The following SGCZ variants were observed in gnomAD, a reference collection of about 807,000 sequenced individuals.
SGCZ encodes zeta-sarcoglycan.
SGCZ carries 40 observed loss-of-function variants against 41.3 expected under a neutral mutation model. The ratio of observed to expected loss-of-function variants is 0.97; its 90% CI spans 0.75 to 1.26. The LOEUF is 1.26. Ranked by LOEUF, SGCZ falls within the 50% of genes most tolerant of loss-of-function variation. SGCZ has a pLI of 0.00. For missense variants in SGCZ, 552 were observed against 369.8 expected, an observed-to-expected ratio of 1.49 and a Z score of -4.04; for synonymous variants, 206 against 137.5, an observed-to-expected ratio of 1.50 and a Z score of -3.49.
At chr8:14,678,090 T>C (rs1808331919) in intron 1 of SGCZ, among the ~76,000 whole-genome samples, 1 of 152,120 alleles carries the variant, frequency 6.6e-6, no homozygotes, top group African/African-American at 2.4e-5. Flanking sequence ...CTGTAAAATT[T>C]CAAGTAACAT....
At chr8:14,171,291 A>T (rs941084419) in intron 4 of SGCZ, among the ~76,000 whole-genome samples, 1 of 151,660 alleles carries the variant, frequency 6.6e-6, no homozygotes, top group Non-Finnish European at 1.5e-5. Flanking sequence ...TCTACCATGC[A>T]TTTTCTGATA....
chr8:15,097,824 ATATATATATACGT>A (rs1806417081), intron 1 of SGCZ, among the ~76,000 whole-genome samples: 2 of 78,446 alleles, frequency 2.5e-5, no homozygotes, highest in African/African-American at 5.3e-5. Context: ...ACGTGTGTGT[ATATATATATACGT>A]GTGTGTATAT....
intron 4 of SGCZ, among the ~76,000 whole-genome samples, chr8:14,176,269 G>A (rs1432465713): frequency 2.6e-5 from 4 of 152,038 alleles, no homozygotes; most frequent in African/African-American, 9.7e-5. Context: ...TATAATTCTG[G>A]CATAATGCAA....
chr8:14,641,110 G>A (rs572887655), intron 1 of SGCZ, among the ~76,000 whole-genome samples: 4 of 151,592 alleles, frequency 2.6e-5, no homozygotes, highest in East Asian at 3.9e-4. Flanking sequence ...AAAAAGATTA[G>A]AGGGGGTAGG....
At chr8:14,199,301 T>A (rs911493796) in intron 4 of SGCZ, among the ~76,000 whole-genome samples, 1 of 152,194 alleles carries the variant, frequency 6.6e-6, no homozygotes, top group Non-Finnish European at 1.5e-5. Flanking sequence ...CTCCCAAGCT[T>A]ATTAGGACAA....
intron 2 of SGCZ, among the ~76,000 whole-genome samples, chr8:14,445,860 G>C (rs1009727908): frequency 1.3e-5 from 2 of 152,012 alleles, no homozygotes; most frequent in African/African-American, 4.8e-5. Context: ...TCCTGCTGGT[G>C]CCCAGAGCTG....
At chr8:14,620,812 G>A (rs951537029) in intron 1 of SGCZ, among the ~76,000 whole-genome samples, 1 of 152,176 alleles carries the variant, frequency 6.6e-6, no homozygotes, top group Admixed American at 6.6e-5. Flanking sequence ...AGGATGTGGA[G>A]AAATAGGAAC....
chr8:14,108,603 T>A (rs1410284194), intron 5 of SGCZ, among the ~76,000 whole-genome samples: 1 of 151,870 alleles, frequency 6.6e-6, no homozygotes, highest in East Asian at 1.9e-4. Context: ...GGAAACCACC[T>A]CCATGGTTCA....
intron 2 of SGCZ, among the ~76,000 whole-genome samples, chr8:14,399,093 T>A (rs778466704): frequency 2.0e-5 from 3 of 152,142 alleles, no homozygotes; most frequent in African/African-American, 7.2e-5. Context: ...ATCATTATTA[T>A]TTTGAGAGCT....
intron 1 of SGCZ, among the ~76,000 whole-genome samples, chr8:15,030,842 T>C (rs1803634717): frequency 6.6e-6 from 1 of 152,138 alleles, no homozygotes; most frequent in Non-Finnish European, 1.5e-5. Flanking sequence ...GAAGGGCTAT[T>C]TGAGGCAAAG....
chr8:14,834,153 T>C (rs1365279894), intron 1 of SGCZ, among the ~76,000 whole-genome samples: 3 of 152,136 alleles, frequency 2.0e-5, no homozygotes, highest in Non-Finnish European at 4.4e-5. Context: ...TCATTGTAAA[T>C]TGGTATTTTG....
intron 1 of SGCZ, among the ~76,000 whole-genome samples, chr8:14,763,009 T>C (rs1799939125): frequency 1.3e-5 from 2 of 152,244 alleles, no homozygotes; most frequent in Admixed American, 1.3e-4. Context: ...ATCTAAGTTG[T>C]AGCTTAGTAC....
rs1484094288 is a variant in SGCZ at position 14,200,690 on chromosome 8, A to T, written c.425-35988T>A. 2.0e-5 allele frequency among the ~76,000 whole-genome samples: 3 copies of T among 152,196 alleles called. No individual in the cohort carries two copies. The South Asian group carries it at 6.2e-4, about 32-fold the overall frequency. Reference sequence around the variant, plus strand: ...AATAAGTCAAAATAGATTATAAACTAGAAGCCTCAGAGTAGAGCATAGAAT... The same window carrying T: ...AATAAGTCAAAATAGATTATAAACTTGAAGCCTCAGAGTAGAGCATAGAAT... On this transcript the variant is annotated intron_variant, in intron 4 of 7. Transcript: ENST00000382080.
At chr8:14,443,934 G>C (rs1800350934) in intron 2 of SGCZ, among the ~76,000 whole-genome samples, 1 of 152,098 alleles carries the variant, frequency 6.6e-6, no homozygotes, top group African/African-American at 2.4e-5. Flanking sequence ...CTAATATCCA[G>C]AATCTACAAT....
At chr8:15,235,240 A>G (rs1457829644) in intron 1 of SGCZ, among the ~76,000 whole-genome samples, 2 of 152,188 alleles carry the variant, frequency 1.3e-5, no homozygotes, top group Non-Finnish European at 2.9e-5. Context: ...ATCCATCTCT[A>G]CAAACTGTAT....
chr8:15,060,109 G>A lies in SGCZ; in HGVS notation c.39+177476C>T, dbSNP rs553818588. Among the ~76,000 whole-genome samples the A allele has an allele frequency of 2.0e-5, 3 of 152,210 alleles. No individual in the cohort carries two copies. The South Asian group carries it at 6.2e-4, about 32-fold the overall frequency. On this transcript the variant is annotated intron_variant, in intron 1 of 7. Coordinates refer to ENST00000382080, the MANE Select transcript of SGCZ (RefSeq NM_139167.4). ...GTTCAACCATTGTGGAAGTCAATGT[G>A]GTGTTTCCTCAGGGATCTAGAACTA...
intron 3 of SGCZ, among the ~76,000 whole-genome samples, chr8:14,240,327 CAAAAAAAAAAAAAA>C (rs59351247): frequency 3.5e-5 from 4 of 115,230 alleles, no homozygotes; most frequent in African/African-American, 3.2e-5. Context: ...AACTCTGTGT[CAAAAAAAAAAAAAA>C]AAAAAAAAAA....
intron 1 of SGCZ, among the ~76,000 whole-genome samples, chr8:14,846,243 G>A (rs562305555): frequency 1.3e-5 from 2 of 152,194 alleles, no homozygotes; most frequent in South Asian, 4.1e-4. Context: ...AAGGAAGAAA[G>A]TTTGCAAATT....
chr8:14,157,879 A>G (rs1803924377), intron 5 of SGCZ, among the ~76,000 whole-genome samples: 1 of 152,166 alleles, frequency 6.6e-6, no homozygotes, highest in South Asian at 2.1e-4. Context: ...ATAGATCATG[A>G]TGTTAAAAAC....
Sources: gnomAD v4.1 joint callset for allele counts (sites outside exome capture counted in the v4.1 genomes callset) on GRCh38, gnomAD v4.1.1 for gene constraint, MANE v1.5 for transcripts, NCBI Gene and HGNC (gene_info 2026-07-23, HGNC 2026-07-21) for gene names.